GFRA1: variants seen among roughly 807,000 people sequenced by gnomAD.
The protein encoded by GFRA1 is GDNF family receptor alpha-1.
In GFRA1, 16 loss-of-function variants were observed where a neutral mutation model predicts 51.6. The observed-to-expected ratio is 0.31, with a 90% confidence interval of 0.21 to 0.47. The LOEUF is 0.47. Among genes scored for constraint, GFRA1 ranks in the 20% least tolerant of loss-of-function variants. The probability of loss-of-function intolerance (pLI) is 1.00; values close to 1 mark genes in which losing one functional copy is unlikely to be tolerated. For missense variants in GFRA1, 530 were observed against 594.3 expected (o/e 0.89, Z 1.13); for synonymous variants, 270 against 241.3 (o/e 1.12, Z -1.10).
In GFRA1 at chr10:116,269,570, C is replaced by A; in HGVS notation, c.351G>T (p.Glu117Asp). Reference protein sequence around the residue: ...YQSLQGNDLLEDSPYEPVNSR... With the variant: ...YQSLQGNDLLDDSPYEPVNSR... ...TGTTAACTGGTTCATATGGGGAATC[C>A]TCCAGCAGATCATTTCCTAAAAACA... The change falls in exon 4 of 11, where the codon GAG becomes GAT. Residue 117 changes from glutamate (E) to aspartate (D), a missense_variant. Coordinates refer to ENST00000355422, the MANE Select transcript of GFRA1 (RefSeq NM_005264.8). 6.2e-7 allele frequency: 1 copy of A among 1,601,036 alleles called. No individual in the cohort carries two copies.
upstream of GFRA1, among the ~76,000 whole-genome samples, chr10:116,273,654 T>C: frequency 1.1e-5 from 1 of 91,332 alleles, no homozygotes; most frequent in African/African-American, 3.8e-5. Flanking sequence ...ACACTCTCTC[T>C]CTCTCTCTCT....
At chr10:116,260,799 C>T (rs1334287821) in intron 4 of GFRA1, among the ~76,000 whole-genome samples, 1 of 152,156 alleles carries the variant, frequency 6.6e-6, no homozygotes, top group Non-Finnish European at 1.5e-5. Flanking sequence ...AAATTAGCCT[C>T]TTATGCAAAT....
rs1044737495 is a variant in GFRA1, at chr10:116,111,664, A to G, written c.770+13557T>C. On this transcript the variant is annotated intron_variant, in intron 6 of 10. Coordinates refer to ENST00000355422, the MANE Select transcript of GFRA1 (RefSeq NM_005264.8). Reference sequence around the variant, plus strand: ...GCAGACCCAGTTGAGAGGAGGGTGAAGCCATCAGCCTAGATCACCTGGCCA... The same window carrying G: ...GCAGACCCAGTTGAGAGGAGGGTGAGGCCATCAGCCTAGATCACCTGGCCA... Among the ~76,000 whole-genome samples, 5 of 152,280 alleles carry G rather than the reference A, an allele frequency of 3.3e-5. No homozygotes were observed. The East Asian group carries it at 9.7e-4, about 29-fold the overall frequency.
chr10:116,071,726 A>T (rs1463050326), intron 9 of GFRA1, among the ~76,000 whole-genome samples: 1 of 152,238 alleles, frequency 6.6e-6, no homozygotes, highest in African/African-American at 2.4e-5. Context: ...CTGGGCCCAT[A>T]GGTGGTCAAT....
At chr10:116,205,926 TCACACACA>T (rs55780139) in intron 5 of GFRA1, among the ~76,000 whole-genome samples, 18,083 of 142,522 alleles carry the variant, frequency 0.13, 1,128 homozygotes, top group South Asian at 0.22. Flanking sequence ...TTTCCTCATA[TCACACACA>T]CACACACACA....
chr10:116,129,815 C>G (rs1958030054), intron 5 of GFRA1, among the ~76,000 whole-genome samples: 1 of 151,858 alleles, frequency 6.6e-6, no homozygotes, highest in Non-Finnish European at 1.5e-5. Flanking sequence ...TGTGATTTTT[C>G]ATTAATGCAT....
chr10:116,111,488 G>A (rs935288301), intron 6 of GFRA1, among the ~76,000 whole-genome samples: 10 of 152,146 alleles, frequency 6.6e-5, no homozygotes, highest in Admixed American at 2.0e-4. Context: ...GTCCCTGCCC[G>A]CAGCTATGAA....
chr10:116,083,039 G>GTT (rs962997824), intron 9 of GFRA1, among the ~76,000 whole-genome samples: 11 of 152,192 alleles, frequency 7.2e-5, no homozygotes, highest in African/African-American at 2.4e-4. Flanking sequence ...GCTCAGTGGT[G>GTT]TTTTACAGCA....
At chr10:116,196,528 T>C (rs1963772184) in intron 5 of GFRA1, among the ~76,000 whole-genome samples, 1 of 135,218 alleles carries the variant, frequency 7.4e-6, no homozygotes, top group East Asian at 2.0e-4. Context: ...TAAATTTATA[T>C]ATTTATAAAT....
Position 116,272,124 on chromosome 10 carries a change from C to G in GFRA1, c.-95G>C. 9.2e-7 allele frequency: 1 copy of G among 1,082,768 alleles called. No homozygotes were observed. The highest frequency in any genetic ancestry group is 2.6e-5 in the East Asian group (1 of 38,854). The allele number at this position is 1,082,768 out of a possible 1,614,324, so 67.1% of individuals were successfully genotyped here. ...AGCTCAGCGTGCAGCGATCCCCGGA[C>G]AGCTGTGCTGCTCTGGCCGCCCAAA... On this transcript the variant is annotated 5_prime_UTR_variant, in exon 2 of 11. Transcript: ENST00000355422. This position sits in a 1 kb window ranked among gnomAD's most constrained non-coding sequence, Gnocchi z 4.4.
intron 9 of GFRA1, among the ~76,000 whole-genome samples, chr10:116,084,953 C>T (rs554406534): frequency 6.6e-6 from 1 of 152,256 alleles, no homozygotes; most frequent in East Asian, 1.9e-4. Flanking sequence ...AAGGAATAGG[C>T]CAACAATAGC....
intron 4 of GFRA1, among the ~76,000 whole-genome samples, chr10:116,212,399 A>C (rs377394891): frequency 7.9e-5 from 12 of 152,184 alleles, no homozygotes; most frequent in African/African-American, 2.9e-4. Flanking sequence ...GGGTGCCTGT[A>C]ATCCCATCTA....
chr10:116,134,854 C>G (rs117224669), intron 5 of GFRA1, among the ~76,000 whole-genome samples: 2 of 152,164 alleles, frequency 1.3e-5, no homozygotes, highest in African/African-American at 4.8e-5. Context: ...CTTGCCTGCA[C>G]CCTCTGCTGT....
chr10:116,218,567 AG>A (rs527873774), intron 4 of GFRA1, among the ~76,000 whole-genome samples: 88 of 152,158 alleles, frequency 5.8e-4, no homozygotes, highest in Non-Finnish European at 1.1e-3. Flanking sequence ...GCTCAGCCTC[AG>A]TGGCACCACA....
At chr10:116,200,443 C>T (rs1964238427) in intron 5 of GFRA1, among the ~76,000 whole-genome samples, 1 of 152,250 alleles carries the variant, frequency 6.6e-6, no homozygotes, top group African/African-American at 2.4e-5. Flanking sequence ...TCTATTTCAG[C>T]ATCTGAGACC....
At chr10:116,211,431 G>T (rs1965186246) in intron 5 of GFRA1, among the ~76,000 whole-genome samples, 200 bp downstream of exon 5, 1 of 152,208 alleles carries the variant, frequency 6.6e-6, no homozygotes, top group Non-Finnish European at 1.5e-5. Context: ...GCATGGTTCA[G>T]AGGAAGAAGC....
At chr10:116,217,306 A>G (rs1965629947) in intron 4 of GFRA1, among the ~76,000 whole-genome samples, 1 of 152,222 alleles carries the variant, frequency 6.6e-6, no homozygotes, top group African/African-American at 2.4e-5. Flanking sequence ...TTACATTCCT[A>G]TCTATAAAAT....
rs1220947153 is a variant in GFRA1, at chr10:116,063,213, AGT to A, written c.*1183_*1184del. ...CAAGGTACTGGATTGTGTCATGACAAGTGTGTCAAGAGATGCTGCAGAACATT... is the reference window on the plus strand; with the variant it reads ...CAAGGTACTGGATTGTGTCATGACAAGTGTCAAGAGATGCTGCAGAACATT... On this transcript the variant is annotated 3_prime_UTR_variant, in exon 11 of 11. Coordinates refer to ENST00000355422, the MANE Select transcript of GFRA1 (RefSeq NM_005264.8). 1 of 152,218 alleles carries A rather than the reference AGT, an allele frequency of 6.6e-6. No individual in the cohort carries two copies. The highest frequency in any genetic ancestry group is 1.5e-5 in the Non-Finnish European group (1 of 68,036). The allele number at this position is 152,218 out of a possible 1,614,324, so 9.4% of individuals were successfully genotyped here.
intron 4 of GFRA1, among the ~76,000 whole-genome samples, chr10:116,247,372 A>C (rs914648569): frequency 6.6e-6 from 1 of 152,216 alleles, no homozygotes; most frequent in Non-Finnish European, 1.5e-5. Context: ...GCCTATTTAC[A>C]GTTAAGAGAT....
Sources: gnomAD v4.1 joint callset for allele counts (sites outside exome capture counted in the v4.1 genomes callset) on GRCh38, gnomAD v4.1.1 for gene constraint, Gnocchi (gnomAD v3.1) non-coding constraint, MANE v1.5 for transcripts, NCBI Gene and HGNC (gene_info 2026-07-23, HGNC 2026-07-21) for gene names.